Variants in TUSC3 observed in about 807,000 individuals in gnomAD.
The protein encoded by TUSC3 is dolichyl-diphosphooligosaccharide--protein glycosyltransferase subunit TUSC3.
A neutral mutation model predicts 44.8 loss-of-function variants in TUSC3; 45 were observed. The observed-to-expected ratio is 1.00, with a 90% CI of 0.79 to 1.29. The LOEUF is 1.29. Ranked by LOEUF, TUSC3 falls within the 50% of genes most tolerant of loss-of-function variation. TUSC3 has a pLI of 0.00. For missense variants in TUSC3, 519 were observed against 437.9 expected (o/e 1.19, Z -1.65); for synonymous variants, 212 against 152.9 (o/e 1.39, Z -2.85).
At chr8:15,419,735 G>T (rs915001338) in intron 1 of TUSC3, among the ~76,000 whole-genome samples, 3 of 152,160 alleles carry the variant, frequency 2.0e-5, no homozygotes, top group African/African-American at 7.2e-5. Flanking sequence ...CTTGTCTTTG[G>T]CATAAACTAA....
At chr8:15,497,298 G>T (rs75096509) in intron 2 of TUSC3, among the ~76,000 whole-genome samples, 4,493 of 152,260 alleles carry the variant, frequency 0.03, 89 homozygotes, top group Middle Eastern at 0.048. Context: ...GCCCAGTGAT[G>T]TGTAGAAAGC....
chr8:15,806,825 G>C, the TUSC3 span: 1 of 927,864 alleles, frequency 1.1e-6, no homozygotes, highest in South Asian at 1.4e-5. Flanking sequence ...GAACTTTCCT[G>C]TTCCTACAAA....
chr8:15,711,727 T>A (rs889126619), intron 6 of TUSC3, among the ~76,000 whole-genome samples: 2 of 151,824 alleles, frequency 1.3e-5, no homozygotes, highest in Non-Finnish European at 2.9e-5. Flanking sequence ...AATAGTATCT[T>A]GATTGTTTAT....
chr8:15,753,029 TAAAC>T (rs1811770794), intron 9 of TUSC3, among the ~76,000 whole-genome samples: 3 of 152,020 alleles, frequency 2.0e-5, no homozygotes, highest in Non-Finnish European at 2.9e-5. Context: ...ATCTACTTAT[TAAAC>T]AAATTTAAGT....
intron 6 of TUSC3, among the ~76,000 whole-genome samples, chr8:15,691,466 T>G (rs1808897588): frequency 6.6e-6 from 1 of 152,220 alleles, no homozygotes; most frequent in South Asian, 2.1e-4. Context: ...ATAGATAGTT[T>G]GACTTCCTCT....
intron 6 of TUSC3, among the ~76,000 whole-genome samples, chr8:15,693,441 C>CTTT (rs35915071): frequency 0.014 from 1,399 of 96,828 alleles, 47 homozygotes; most frequent in East Asian, 0.029. Context: ...GTTGGAAGTT[C>CTTT]TTTTTTTTTT....
chr8:15,562,164 A>T (rs1046471308), intron 1 of TUSC3, among the ~76,000 whole-genome samples: 1 of 152,188 alleles, frequency 6.6e-6, no homozygotes, highest in Non-Finnish European at 1.5e-5. Context: ...CTTATAACCT[A>T]GTTGGGGTAT....
At chr8:15,593,910 A>G (rs1803958809) in intron 1 of TUSC3, among the ~76,000 whole-genome samples, 1 of 152,100 alleles carries the variant, frequency 6.6e-6, no homozygotes, top group Non-Finnish European at 1.5e-5. Context: ...ATCTGCTATA[A>G]GCATTAATCT....
chr8:15,765,956 A>G lies in TUSC3; in HGVS notation c.*1800A>G, dbSNP rs531541655. 21 of 152,136 alleles carry G rather than the reference A, an allele frequency of 1.4e-4. No homozygotes were observed. The highest frequency in any genetic ancestry group is 2.5e-4 in the Non-Finnish European group (17 of 67,992). The allele number at this position is 152,136 out of a possible 1,614,324, so 9.4% of individuals were successfully genotyped here. On this transcript the variant is annotated 3_prime_UTR_variant, in exon 11 of 11. Coordinates refer to ENST00000503731, the MANE Select transcript of TUSC3 (RefSeq NM_006765.4). ...ATCTCAGAATTATCTTGCAGTTAAT[A>G]TGCAGCTGATTAAATGATATTACAA...
chr8:15,448,134 T>TATTTATTTA (rs1554502649), intron 1 of TUSC3, among the ~76,000 whole-genome samples: 5 of 145,088 alleles, frequency 3.4e-5, no homozygotes, highest in Non-Finnish European at 6.0e-5. Flanking sequence ...TTTATTTATT[T>TATTTATTTA]TTTAGATGGA....
Position 15,659,581 on chromosome 8 carries a change from C to T in TUSC3, c.501C>T (p.Asp167=). 1 of 1,613,476 alleles carries T rather than the reference C, an allele frequency of 6.2e-7. No individual in the cohort carries two copies. The highest frequency in any genetic ancestry group is 8.5e-7 in the Non-Finnish European group (1 of 1,179,702). The part of the protein sequence containing the change: ...KGRPKRADTF[D]LQRIGFAAEQ... ...GACCTAAGAGAGCTGATACTTTTGA[C>T]CTCCAAAGAATTGGATTTGCAGCTG... The change falls in exon 4 of 11, where the codon GAC becomes GAT. Residue 167 remains aspartate, a synonymous_variant. Transcript: ENST00000503731.
chr8:15,676,260 C>T (rs936065584), intron 6 of TUSC3, among the ~76,000 whole-genome samples: 10 of 152,016 alleles, frequency 6.6e-5, no homozygotes, highest in South Asian at 2.1e-4. Flanking sequence ...ATTTGTTGCC[C>T]GCTTATCTGT....
chr8:15,613,821 A>T (rs1284641759), intron 1 of TUSC3, among the ~76,000 whole-genome samples: 4 of 152,130 alleles, frequency 2.6e-5, no homozygotes, highest in African/African-American at 9.7e-5. Context: ...TTTTTGACCC[A>T]ACTTTCATTC....
intron 2 of TUSC3, among the ~76,000 whole-genome samples, chr8:15,509,647 A>C (rs1801106345): frequency 6.6e-6 from 1 of 152,064 alleles, no homozygotes; most frequent in East Asian, 1.9e-4. Flanking sequence ...GAAACATTGG[A>C]TTAAGTATTA....
chr8:15,449,342 T>A (rs888821630), intron 1 of TUSC3, among the ~76,000 whole-genome samples: 4 of 152,200 alleles, frequency 2.6e-5, no homozygotes, highest in African/African-American at 9.6e-5. Context: ...TTAGCATGGC[T>A]CAAGCGTGGA....
chr8:15,592,400 G>T (rs1803880751), intron 1 of TUSC3, among the ~76,000 whole-genome samples: 1 of 152,098 alleles, frequency 6.6e-6, no homozygotes, highest in Admixed American at 6.6e-5. Context: ...TCCCAATGTT[G>T]GAGGTGGCAC....
intron 2 of TUSC3, among the ~76,000 whole-genome samples, chr8:15,643,002 C>G (rs952288328): frequency 6.6e-6 from 1 of 152,148 alleles, no homozygotes; most frequent in East Asian, 1.9e-4. Flanking sequence ...ACAAATGTCA[C>G]TTTGAATTGT....
intron 6 of TUSC3, among the ~76,000 whole-genome samples, 175 bp downstream of exon 6, chr8:15,674,011 C>A (rs534079275): frequency 8.7e-5 from 13 of 149,952 alleles, no homozygotes; most frequent in African/African-American, 3.1e-4. Context: ...CACACACACA[C>A]AATATTACTT....
At chr8:15,630,774 A>T (rs1361427772) in intron 2 of TUSC3, among the ~76,000 whole-genome samples, 2 of 152,156 alleles carry the variant, frequency 1.3e-5, no homozygotes, top group African/African-American at 2.4e-5. Flanking sequence ...AAAAGCTTTT[A>T]TTCAGGAATG....
Sources: gnomAD v4.1 joint callset for allele counts (sites outside exome capture counted in the v4.1 genomes callset) on GRCh38, gnomAD v4.1.1 for gene constraint, MANE v1.5 for transcripts, NCBI Gene and HGNC (gene_info 2026-07-23, HGNC 2026-07-21) for gene names.